The following DARS1 variants were observed in gnomAD, a reference collection of about 807,000 sequenced individuals.
The protein encoded by DARS1 is aspartate--tRNA ligase, cytoplasmic.
A neutral mutation model predicts 68.8 loss-of-function variants in DARS1; 51 were observed. The ratio of observed to expected loss-of-function variants is 0.74; its 90% CI spans 0.59 to 0.94. The LOEUF is 0.94. DARS1 is among the 40% of genes least tolerant of loss of function. The probability of loss-of-function intolerance (pLI) is 0.00; values close to 1 mark genes in which losing one functional copy is unlikely to be tolerated. For synonymous variants in DARS1, 203 were observed against 190.4 expected (o/e 1.07, Z -0.55); for missense variants, 607 against 597.3 (o/e 1.02, Z -0.17).
In DARS1 at chr2:135,907,382, A is replaced by G; in HGVS notation, c.1440T>C (p.Phe480=). The change falls in exon 16 of 16, where the codon TTT becomes TTC. Residue 480 remains phenylalanine (F), a synonymous_variant. Transcript: ENST00000264161. The stretch of plus-strand genomic sequence containing the variant: ...TCTGACGAACATTATGCAATCCCAG[A>G]AACAGCATAGTAACTCGTTCCAATC... ...GIGLERVTML[F]LGLHNVRQTS... 1 of 1,612,458 alleles carries G rather than the reference A, an allele frequency of 6.2e-7. No individual in the cohort carries two copies. Among genetic ancestry groups the G allele is most frequent in the Non-Finnish European group, 8.5e-7 (1 of 1,179,234 alleles).
chr2:135,950,936 G>A (rs1322948037), intron 4 of DARS1, among the ~76,000 whole-genome samples: 1 of 152,082 alleles, frequency 6.6e-6, no homozygotes, highest in African/African-American at 2.4e-5. Flanking sequence ...GGTGCAGAGC[G>A]TAGTTTCAGG....
chr2:135,922,857 C>T lies in DARS1; in HGVS notation c.738G>A (p.Leu246=). 6.3e-7 allele frequency: 1 copy of T among 1,586,870 alleles called. No homozygotes were observed. Among genetic ancestry groups the T allele is most frequent in the Non-Finnish European group, 8.6e-7 (1 of 1,167,482 alleles). Residue 246 remains leucine (L), a synonymous_variant, in exon 9 of 16, where the codon CTG becomes CTA. Coordinates refer to ENST00000264161, the MANE Select transcript of DARS1 (RefSeq NM_001349.4). ...TVSYFKNNAY[L]AQSPQLYKQM... The stretch of plus-strand genomic sequence containing the variant: ...GCTTATATAGCTGTGGGGACTGAGC[C>T]AGGTATGCATTATTTTTAAAATATG...
At chr2:135,918,330 ATATG>A (rs1243235304) in intron 10 of DARS1, among the ~76,000 whole-genome samples, 2 of 152,186 alleles carry the variant, frequency 1.3e-5, no homozygotes, top group Admixed American at 6.6e-5. Context: ...ATACATTTAT[ATATG>A]TATTTTATAC....
intron 4 of DARS1, among the ~76,000 whole-genome samples, chr2:135,944,346 T>C (rs916436147): frequency 1.3e-5 from 2 of 152,192 alleles, no homozygotes; most frequent in African/African-American, 2.4e-5. Flanking sequence ...TTAATTTTCA[T>C]GGAAAAATTC....
At chr2:135,929,646 T>G (rs953572775) in intron 7 of DARS1, among the ~76,000 whole-genome samples, 9 of 152,230 alleles carry the variant, frequency 5.9e-5, no homozygotes, top group African/African-American at 2.2e-4. Context: ...ATTAAAACTA[T>G]ATTGCCAGGA....
At position 135,973,930 on chromosome 2, in the gene DARS1, A is replaced by C. The variant is rs980736480; in HGVS notation, c.217+5344T>G. Among the ~76,000 whole-genome samples, 5 of 152,316 alleles carry C rather than the reference A, an allele frequency of 3.3e-5. No homozygotes were observed. The South Asian group carries it at 1.0e-3, about 32-fold the overall frequency. On this transcript the variant is annotated intron_variant, in intron 3 of 15. Transcript: ENST00000264161. The stretch of plus-strand genomic sequence containing the variant: ...TGGATTGTATGTAACACAAAGAATA[A>C]ATGCTTGAGGGGATGCATACCCAAT...
intron 4 of DARS1, among the ~76,000 whole-genome samples, chr2:135,951,640 G>A (rs894477617): frequency 3.9e-5 from 6 of 152,156 alleles, no homozygotes; most frequent in African/African-American, 1.2e-4. Flanking sequence ...GAGAACACTC[G>A]GTCAATGCAG....
chr2:135,955,723 G>A (rs1681958759), intron 4 of DARS1, among the ~76,000 whole-genome samples: 1 of 111,008 alleles, frequency 9.0e-6, no homozygotes, highest in African/African-American at 3.6e-5. Context: ...GTCTCGCTCT[G>A]TCACACAAGC....
At chr2:135,936,113 G>A (rs1432274882) in intron 5 of DARS1, among the ~76,000 whole-genome samples, 1 of 152,154 alleles carries the variant, frequency 6.6e-6, no homozygotes, top group African/African-American at 2.4e-5. Context: ...TCTTCACATA[G>A]TGCTTGGCAC....
chr2:135,978,220 A>T (rs1476466269), intron 3 of DARS1, among the ~76,000 whole-genome samples: 1 of 151,860 alleles, frequency 6.6e-6, no homozygotes, highest in Non-Finnish European at 1.5e-5. Context: ...ATTAAATACT[A>T]TAGAAGCAAA....
intron 4 of DARS1, among the ~76,000 whole-genome samples, chr2:135,954,605 CAAATA>C (rs2104828206): frequency 6.6e-6 from 1 of 152,100 alleles, no homozygotes; most frequent in Non-Finnish European, 1.5e-5. Flanking sequence ...AAGAGGCATC[CAAATA>C]AGCATAAAAA....
chr2:135,951,835 A>G (rs764137515), intron 4 of DARS1, among the ~76,000 whole-genome samples: 2 of 152,226 alleles, frequency 1.3e-5, no homozygotes, highest in Non-Finnish European at 2.9e-5. Context: ...TTCTTTTGAT[A>G]CCCACTTCCA....
chr2:135,913,042 A>G (rs1179655316), intron 12 of DARS1, among the ~76,000 whole-genome samples: 2 of 142,874 alleles, frequency 1.4e-5, no homozygotes, highest in Non-Finnish European at 3.1e-5. Flanking sequence ...TTAAATATTC[A>G]TTTTTTTCCT....
At position 135,911,186 on chromosome 2, in the gene DARS1, A is replaced by G; in HGVS notation, c.1367T>C (p.Ile456Thr). 2 of 1,544,562 alleles carry G rather than the reference A, an allele frequency of 1.3e-6. No homozygotes were observed. The highest frequency in any genetic ancestry group is 1.8e-6 in the Non-Finnish European group (2 of 1,117,128). ...AGGGGCTCCAAAGCGGAAGGAATCA[A>G]TGTAAGCCTTAATTTTCTCCAAATC... ...GIDLEKIKAY[I>T]DSFRFGAPPH... Residue 456 changes from isoleucine to threonine, a missense_variant, in exon 15 of 16, where the codon ATT becomes ACT. By Grantham distance (89) the Ile-to-Thr change is moderately conservative. Coordinates refer to ENST00000264161, the MANE Select transcript of DARS1 (RefSeq NM_001349.4).
intron 15 of DARS1, among the ~76,000 whole-genome samples, chr2:135,908,919 G>T (rs990778979): frequency 2.6e-5 from 4 of 152,158 alleles, no homozygotes; most frequent in Non-Finnish European, 5.9e-5. Flanking sequence ...TAAAGTAAAC[G>T]TAGTACATAT....
chr2:135,978,732 G>T (rs1204559357), intron 3 of DARS1, among the ~76,000 whole-genome samples: 4 of 152,148 alleles, frequency 2.6e-5, no homozygotes, highest in Admixed American at 1.3e-4. Context: ...GTCCAAAATG[G>T]GAGCCGTTAG....
intron 3 of DARS1, among the ~76,000 whole-genome samples, chr2:135,968,967 T>C (rs1682301749): frequency 6.6e-6 from 1 of 152,134 alleles, no homozygotes; most frequent in Non-Finnish European, 1.5e-5. Context: ...CTGACCAGGA[T>C]TAAGTTTCAA....
chr2:135,958,690 C>T (rs1159876796), intron 4 of DARS1, among the ~76,000 whole-genome samples: 2 of 152,170 alleles, frequency 1.3e-5, no homozygotes, highest in South Asian at 4.1e-4. Context: ...GCCAACGAGT[C>T]TTAGCCATAA....
intron 1 of DARS1, chr2:135,985,156 T>A (rs1575412018): frequency 1.8e-6 from 1 of 565,096 alleles, no homozygotes; most frequent in East Asian, 2.9e-5. Flanking sequence ...GTTCTTCCCG[T>A]CCTCCCCACC....
Sources: allele counts gnomAD v4.1 joint callset (sites outside exome capture counted in the v4.1 genomes callset), GRCh38; gene constraint gnomAD v4.1.1; transcripts MANE v1.5; gene names NCBI Gene and HGNC (gene_info 2026-07-23, HGNC 2026-07-21).